MPPED2: variants seen among roughly 807,000 people sequenced by gnomAD.
The protein encoded by MPPED2 is metallophosphoesterase MPPED2.
In MPPED2, 5 loss-of-function variants were observed where a neutral mutation model predicts 33.0. That is an observed-to-expected ratio of 0.15 (90% CI 0.08 to 0.32). The LOEUF (loss-of-function observed/expected upper bound fraction) is 0.32, where lower values mean the gene tolerates loss of function less well. Ranked by LOEUF, MPPED2 falls within the 10% of genes least tolerant of loss-of-function variation. MPPED2 has a pLI of 1.00. For synonymous variants in MPPED2, 136 were observed against 141.9 expected (o/e 0.96, Z 0.29); for missense variants, 275 against 372.1 (o/e 0.74, Z 2.15).
At chr11:30,395,297 G>A (rs1038748759) in intron 6 of MPPED2, among the ~76,000 whole-genome samples, 3 of 152,102 alleles carry the variant, frequency 2.0e-5, no homozygotes, top group East Asian at 1.9e-4. Flanking sequence ...TATATTCCAG[G>A]TCAGTACTAT....
At position 30,458,914 on chromosome 11, in the gene MPPED2, CTTTT is replaced by C. The variant is rs71060450; in HGVS notation, c.536+36378_536+36381del. Among the ~76,000 whole-genome samples, 619 of 64,536 alleles carry C rather than the reference CTTTT, an allele frequency of 9.6e-3. 9 individuals carry two copies. The highest frequency in any genetic ancestry group is 0.034 in the African/African-American group (576 of 17,108). The allele number at this position is 64,536 out of a possible 152,430, so 42.3% of individuals were successfully genotyped here. A position where few individuals can be genotyped will look rare whatever the true frequency, so the allele number is the denominator to read the frequency against. ...TTTTTTAGGACAATTTTGCACAGTT[CTTTT>C]TTTTTTTTTTTTTTTTTTTTTTTTT... is the stretch of plus-strand genomic sequence containing the variant. On this transcript the variant is annotated intron_variant, in intron 4 of 6. Transcript: ENST00000358117.
chr11:30,505,776 T>TAAC, intron 3 of MPPED2, among the ~76,000 whole-genome samples: 1 of 152,308 alleles, frequency 6.6e-6, no homozygotes, highest in South Asian at 2.1e-4. Flanking sequence ...AACCTGAACT[T>TAAC]ACAGGAATAT....
intron 4 of MPPED2, among the ~76,000 whole-genome samples, chr11:30,444,898 G>C (rs902518901): frequency 1.3e-5 from 2 of 152,136 alleles, no homozygotes; most frequent in East Asian, 3.9e-4. Context: ...CATATTCTCC[G>C]ATTTATTTCT....
At chr11:30,403,846 C>T (rs530595402) in intron 6 of MPPED2, among the ~76,000 whole-genome samples, 21 of 152,272 alleles carry the variant, frequency 1.4e-4, no homozygotes, top group Non-Finnish European at 7.3e-5. Flanking sequence ...GAAGAAAGGG[C>T]TATATGTCTT....
intron 4 of MPPED2, among the ~76,000 whole-genome samples, chr11:30,443,062 C>T (rs894549657): frequency 7.2e-5 from 11 of 152,024 alleles, no homozygotes; most frequent in Non-Finnish European, 1.2e-4. Flanking sequence ...AGAAATTCTT[C>T]AGACACAATA....
intron 3 of MPPED2, among the ~76,000 whole-genome samples, chr11:30,520,646 C>G (rs517556): frequency 1.3e-5 from 2 of 151,998 alleles, no homozygotes; most frequent in African/African-American, 4.8e-5. Flanking sequence ...GGAGTATTTA[C>G]AGCATTTAAT....
At chr11:30,548,939 G>A (rs1487005618) in intron 2 of MPPED2, among the ~76,000 whole-genome samples, 1 of 152,086 alleles carries the variant, frequency 6.6e-6, no homozygotes, top group Non-Finnish European at 1.5e-5. Flanking sequence ...CATTATCCAG[G>A]TACCAATTTA....
chr11:30,388,857 A>T, exon 7 of MPPED2: 1 of 1,530,324 alleles, frequency 6.5e-7, no homozygotes, highest in East Asian at 2.4e-5. Context: ...TCAGATCATC[A>T]ATTAATTGTG....
intron 2 of MPPED2, among the ~76,000 whole-genome samples, chr11:30,569,865 C>T (rs1333292739): frequency 6.6e-6 from 1 of 152,132 alleles, no homozygotes; most frequent in Non-Finnish European, 1.5e-5. Context: ...TCTCATCTCC[C>T]TGTTGACTGA....
intron 3 of MPPED2, among the ~76,000 whole-genome samples, chr11:30,526,049 A>C (rs556102399): frequency 5.9e-5 from 9 of 152,318 alleles, no homozygotes; most frequent in Non-Finnish European, 1.2e-4. Flanking sequence ...AAATTGAACT[A>C]CACTTTAATT....
At chr11:30,556,501 G>GT (rs1955970508) in intron 2 of MPPED2, among the ~76,000 whole-genome samples, 2 of 152,150 alleles carry the variant, frequency 1.3e-5, no homozygotes, top group African/African-American at 4.8e-5. Flanking sequence ...CATGAACATT[G>GT]TTTGGAAAAG....
At chr11:30,451,810 T>A in intron 4 of MPPED2, 1 of 985,410 alleles carries the variant, frequency 1.0e-6, no homozygotes. Context: ...GACTGCAGAT[T>A]AATTTCACTG....
chr11:30,446,608 T>G (rs555102496), intron 4 of MPPED2, among the ~76,000 whole-genome samples: 1 of 152,328 alleles, frequency 6.6e-6, no homozygotes, highest in East Asian at 1.9e-4. Context: ...GTAGGCAGGA[T>G]TTTAAATATC....
intron 5 of MPPED2, 57 bp from the exon 6 acceptor site, chr11:30,414,398 T>A (rs1281212775): frequency 8.8e-7 from 1 of 1,141,146 alleles, no homozygotes; most frequent in Non-Finnish European, 1.3e-6. Flanking sequence ...AAGGTTTCAT[T>A]TAGACTTTCA....
At chr11:30,493,319 G>C (rs922407207) in intron 4 of MPPED2, among the ~76,000 whole-genome samples, 14 of 150,672 alleles carry the variant, frequency 9.3e-5, no homozygotes, top group Non-Finnish European at 1.8e-4. Context: ...TGCAGTGAGC[G>C]GAGATCGCGC....
intron 5 of MPPED2, among the ~76,000 whole-genome samples, chr11:30,416,367 A>C (rs1229927947): frequency 1.3e-5 from 2 of 152,236 alleles, no homozygotes; most frequent in Non-Finnish European, 2.9e-5. Flanking sequence ...CTTGTAAGAG[A>C]AGGAGAGCAG....
chr11:30,518,753 G>A (rs1953682459), intron 3 of MPPED2, among the ~76,000 whole-genome samples: 1 of 152,196 alleles, frequency 6.6e-6, no homozygotes, highest in Non-Finnish European at 1.5e-5. Flanking sequence ...AACTGGACTA[G>A]GAGCTGCGTA....
At chr11:30,584,052 T>A (rs957922652) in intron 1 of MPPED2, 1 of 151,896 alleles carries the variant, frequency 6.6e-6, no homozygotes, top group Non-Finnish European at 1.5e-5. Flanking sequence ...TCCGCCAGGG[T>A]TTTTTTGGGG....
At chr11:30,534,299 A>G (rs1379793867) in intron 3 of MPPED2, among the ~76,000 whole-genome samples, 1 of 152,180 alleles carries the variant, frequency 6.6e-6, no homozygotes, top group Non-Finnish European at 1.5e-5. Context: ...CAAAACTCTC[A>G]AGATTTACCA....
Sources: allele counts gnomAD v4.1 joint callset (sites outside exome capture counted in the v4.1 genomes callset), GRCh38; gene constraint gnomAD v4.1.1; transcripts MANE v1.5; gene names NCBI Gene and HGNC (gene_info 2026-07-23, HGNC 2026-07-21).